The following PEF1 variants were observed in gnomAD, a reference collection of about 807,000 sequenced individuals.
The protein encoded by PEF1 is peflin.
A neutral mutation model predicts 32.0 loss-of-function variants in PEF1; 17 were observed. The ratio of observed to expected loss-of-function variants is 0.53; its 90% CI spans 0.36 to 0.80. The LOEUF (loss-of-function observed/expected upper bound fraction) is 0.80, where lower values mean the gene tolerates loss of function less well. PEF1 is among the 30% of genes least tolerant of loss of function. PEF1 has a pLI of 0.00. For synonymous variants in PEF1, 130 were observed against 139.8 expected, an observed-to-expected ratio of 0.93 and a Z score of 0.50; for missense variants, 362 against 369.1, an observed-to-expected ratio of 0.98 and a Z score of 0.16.
chr1:31,633,845 C>G (rs1039468911), intron 2 of PEF1, among the ~76,000 whole-genome samples: 4 of 151,918 alleles, frequency 2.6e-5, no homozygotes, highest in Non-Finnish European at 5.9e-5. Flanking sequence ...ATCCCAGCTA[C>G]TGGGGAGGCT....
chr1:31,635,667 T>A, intron 1 of PEF1, 145 bp from the exon 2 acceptor site: 1 of 871,862 alleles, frequency 1.1e-6, no homozygotes, highest in Non-Finnish European at 1.6e-6. Context: ...ACTGCTCAGA[T>A]GGGCAAACTG....
intron 1 of PEF1, among the ~76,000 whole-genome samples, chr1:31,642,471 A>T (rs1640420247): frequency 6.6e-6 from 1 of 152,144 alleles, no homozygotes; most frequent in Non-Finnish European, 1.5e-5. Context: ...CTGGACTGGA[A>T]GCAGTGGAAA....
At chr1:31,642,052 C>T (rs935053150) in intron 1 of PEF1, among the ~76,000 whole-genome samples, 2 of 151,982 alleles carry the variant, frequency 1.3e-5, no homozygotes, top group African/African-American at 2.4e-5. Context: ...GCCAACATGG[C>T]GAAACCCCGT....
In PEF1 at chr1:31,635,332, A is replaced by T; in HGVS notation, c.215T>A (p.Phe72Tyr). The T allele has an allele frequency of 1.9e-6, 3 of 1,614,022 alleles. No homozygotes were observed. The highest frequency in any genetic ancestry group is 2.5e-6 in the Non-Finnish European group (3 of 1,179,974). Residue 72 changes from phenylalanine to tyrosine, a missense_variant, in exon 2 of 5, where the codon TTC becomes TAC. Phe to Tyr is a conservative substitution (Grantham distance 22). Transcript: ENST00000373703. ...TGGTCCTCCTGGAGTTCCAGAGGGG[A>T]ACATCCCAGGATTGGGGTGTCCATA... is the stretch of plus-strand genomic sequence containing the variant. ...GPYGHPNPGM[F>Y]PSGTPGGPYG...
intron 2 of PEF1, among the ~76,000 whole-genome samples, chr1:31,634,637 T>C: frequency 6.6e-6 from 1 of 151,986 alleles, no homozygotes; most frequent in East Asian, 1.9e-4. Flanking sequence ...ACTAATATGG[T>C]ACAATGGTTT....
intron 2 of PEF1, 104 bp downstream of exon 2, chr1:31,635,118 T>A (rs1640217674): frequency 5.1e-6 from 7 of 1,373,000 alleles, no homozygotes; most frequent in Non-Finnish European, 7.1e-6. Flanking sequence ...GATGCTAAGG[T>A]GCCAGAGACC....
chr1:31,638,271 GGGGA>G (rs558561729), intron 1 of PEF1, among the ~76,000 whole-genome samples: 65 of 152,252 alleles, frequency 4.3e-4, no homozygotes, highest in African/African-American at 1.5e-3. Context: ...TTTACAGATG[GGGGA>G]GGGAGGGAGG....
chr1:31,632,189 C>T, intron 4 of PEF1: 2 of 593,436 alleles, frequency 3.4e-6, no homozygotes, highest in Non-Finnish European at 6.0e-6. Flanking sequence ...GCCACACACA[C>T]TGGTCTCATA....
Position 31,635,430 on chromosome 1 carries a change from C to T in PEF1, c.117G>A (p.Gly39=), listed in dbSNP as rs1029182815. Residue 39 remains glycine (G), a synonymous_variant, in exon 2 of 5, where the codon GGG becomes GGA. Coordinates refer to ENST00000373703, the MANE Select transcript of PEF1 (RefSeq NM_012392.4). ...PPNSGGQYGS[G]LPPGGGYGGP... ...CCCCATAACCACCACCAGGGGGTAGCCCACTACCATACTGCCCTCCACTAT... is the reference window on the plus strand; with the variant it reads ...CCCCATAACCACCACCAGGGGGTAGTCCACTACCATACTGCCCTCCACTAT... 3.1e-6 allele frequency: 5 copies of T among 1,611,494 alleles called. No individual in the cohort carries two copies. The African/African-American group carries it at 5.3e-5, about 17-fold the overall frequency.
intron 3 of PEF1, 87 bp from the exon 4 acceptor site, chr1:31,632,725 T>C: frequency 2.0e-6 from 3 of 1,482,248 alleles, no homozygotes; most frequent in Non-Finnish European, 2.7e-6. Context: ...GCAGCCCTTC[T>C]CTCCAGGCTG....
intron 1 of PEF1, 109 bp downstream of exon 1, chr1:31,644,732 A>C: frequency 6.3e-7 from 1 of 1,591,870 alleles, no homozygotes; most frequent in South Asian, 1.1e-5. Flanking sequence ...CGCTGAAGCG[A>C]ACCCATCGTG....
At chr1:31,639,528 A>T (rs556488048) in intron 1 of PEF1, among the ~76,000 whole-genome samples, 14 of 152,340 alleles carry the variant, frequency 9.2e-5, no homozygotes, top group Middle Eastern at 6.8e-3. Context: ...AAAACAGAGC[A>T]CTATAGAAGG....
intron 4 of PEF1, chr1:31,632,207 A>G (rs1226008412): frequency 3.3e-6 from 2 of 613,208 alleles, no homozygotes; most frequent in Non-Finnish European, 5.9e-6. Flanking sequence ...ATAGTCCTTA[A>G]GGTGCCAAGT....
Position 31,632,594 on chromosome 1 carries a change from A to C in PEF1, c.526T>G (p.Phe176Val). 8.1e-6 allele frequency: 13 copies of C among 1,614,220 alleles called. No homozygotes were observed. Among genetic ancestry groups the C allele is most frequent in the Non-Finnish European group, 1.0e-5 (12 of 1,180,026 alleles). ...TGGATGAATTTCCACAGGGCTGAGAAGCCGTAGACATCGATGCGGCCTGAC... is the reference window on the plus strand; with the variant it reads ...TGGATGAATTTCCACAGGGCTGAGACGCCGTAGACATCGATGCGGCCTGAC... ...TKSGRIDVYG[F>V]SALWKFIQQW... is the part of the protein sequence containing the mutation. Residue 176 changes from phenylalanine to valine, a missense_variant, in exon 4 of 5, where the codon TTC (phenylalanine) becomes GTC (valine). By Grantham distance (50) the Phe-to-Val change is conservative (BLOSUM62 -1). Transcript: ENST00000373703.
At chr1:31,636,876 C>A (rs1014012775) in intron 1 of PEF1, among the ~76,000 whole-genome samples, 3 of 152,182 alleles carry the variant, frequency 2.0e-5, no homozygotes, top group Admixed American at 1.3e-4. Flanking sequence ...CAGTAGCCCT[C>A]GGAGTGTTCC....
rs562657706 is a variant in PEF1 at position 31,636,300 on chromosome 1, T to G, written c.25-778A>C. On this transcript the variant is annotated intron_variant, in intron 1 of 4. Transcript: ENST00000373703. ...AAAAACCTGGGCAACATAGAAAAACTACATCTCTATTTAAAAAATACAAAA... is the reference window on the plus strand; with the variant it reads ...AAAAACCTGGGCAACATAGAAAAACGACATCTCTATTTAAAAAATACAAAA... Among the ~76,000 whole-genome samples, 8 of 151,980 alleles carry G rather than the reference T, an allele frequency of 5.3e-5. No homozygotes were observed. In the East Asian group the frequency reaches 1.6e-3, roughly 29 times the overall value.
Position 31,633,643 on chromosome 1 carries a change from G to A in PEF1, c.326-329C>T, listed in dbSNP as rs555883558. ...CTGGAAAAGGTAAACTGCGAGATGGGGGAATGGGTGGTAGATAAAAGTGTA... is the reference window on the plus strand; with the variant it reads ...CTGGAAAAGGTAAACTGCGAGATGGAGGAATGGGTGGTAGATAAAAGTGTA... On this transcript the variant is annotated intron_variant, in intron 2 of 4. Coordinates refer to ENST00000373703, the MANE Select transcript of PEF1 (RefSeq NM_012392.4). Among the ~76,000 whole-genome samples the A allele has an allele frequency of 5.3e-5, 8 of 152,304 alleles. No individual in the cohort carries two copies. In the South Asian group the frequency reaches 1.5e-3, roughly 28 times the overall value.
intron 1 of PEF1, among the ~76,000 whole-genome samples, chr1:31,641,003 C>A (rs1461731475): frequency 6.6e-6 from 1 of 152,166 alleles, no homozygotes; most frequent in Non-Finnish European, 1.5e-5. Context: ...CATTCACCAG[C>A]AGAGCCACTT....
intron 1 of PEF1, chr1:31,644,541 G>A (rs927197481): frequency 1.6e-5 from 22 of 1,382,068 alleles, no homozygotes; most frequent in Non-Finnish European, 2.0e-5. Context: ...CCCCATGAGG[G>A]CCTTGGGAGG....
Sources: allele counts gnomAD v4.1 joint callset (sites outside exome capture counted in the v4.1 genomes callset), GRCh38; gene constraint gnomAD v4.1.1; transcripts MANE v1.5; gene names NCBI Gene and HGNC (gene_info 2026-07-23, HGNC 2026-07-21).